ULK4: variants seen among roughly 807,000 people sequenced by gnomAD.
ULK4 encodes inactive serine/threonine-protein kinase ULK4.
A neutral mutation model predicts 160.6 loss-of-function variants in ULK4; 133 were observed. The observed-to-expected ratio is 0.83, with a 90% CI of 0.72 to 0.96. ULK4 has a LOEUF of 0.96. Ranked by LOEUF, ULK4 falls within the 40% of genes least tolerant of loss-of-function variation. The probability of loss-of-function intolerance (pLI) is 0.00; values close to 1 mark genes in which losing one functional copy is unlikely to be tolerated. For synonymous variants in ULK4, 534 were observed against 539.8 expected, an observed-to-expected ratio of 0.99 and a Z score of 0.15; for missense variants, 1,580 against 1,499.5, an observed-to-expected ratio of 1.05 and a Z score of -0.89.
intron 30 of ULK4, among the ~76,000 whole-genome samples, chr3:41,624,593 T>C (rs2033405729): frequency 6.6e-6 from 1 of 152,180 alleles, no homozygotes. Flanking sequence ...GAATACAATA[T>C]ACCATAACAA....
intron 30 of ULK4, among the ~76,000 whole-genome samples, chr3:41,650,734 G>T (rs60686425): frequency 1.3e-5 from 2 of 152,200 alleles, no homozygotes; most frequent in African/African-American, 4.8e-5. Flanking sequence ...CAAAACTCAG[G>T]CGAAGGCGCC....
At chr3:41,811,491 TCTTTTC>T (rs1255535898) in intron 19 of ULK4, among the ~76,000 whole-genome samples, 1 of 152,218 alleles carries the variant, frequency 6.6e-6, no homozygotes, top group Non-Finnish European at 1.5e-5. Flanking sequence ...TGGTTGTTAC[TCTTTTC>T]CTTTTCCTTC....
At chr3:41,885,211 T>C (rs1188099088) in intron 16 of ULK4, among the ~76,000 whole-genome samples, 1 of 152,230 alleles carries the variant, frequency 6.6e-6, no homozygotes, top group Non-Finnish European at 1.5e-5. Context: ...TTTTTCAATT[T>C]ATAAAAGTAA....
intron 33 of ULK4, among the ~76,000 whole-genome samples, chr3:41,458,275 T>G (rs2083600646): frequency 1.3e-5 from 2 of 152,216 alleles, no homozygotes; most frequent in Non-Finnish European, 2.9e-5. Flanking sequence ...CTTGTCATCC[T>G]TTAGTTAAAC....
intron 31 of ULK4, among the ~76,000 whole-genome samples, chr3:41,608,531 A>G (rs1310253369): frequency 6.6e-6 from 1 of 152,222 alleles, no homozygotes; most frequent in Non-Finnish European, 1.5e-5. Context: ...ATTTCACAGT[A>G]GGCTTTTCCA....
At chr3:41,789,613 A>G (rs1271420763) in intron 21 of ULK4, 48 bp downstream of exon 21, 6 of 1,480,406 alleles carry the variant, frequency 4.1e-6, no homozygotes, top group African/African-American at 1.4e-5. Context: ...TAAAATGCAG[A>G]AGAAAACAAT....
At chr3:41,950,377 A>G (rs1700249959) in intron 2 of ULK4, among the ~76,000 whole-genome samples, 1 of 152,148 alleles carries the variant, frequency 6.6e-6, no homozygotes, top group Non-Finnish European at 1.5e-5. Context: ...AGTAGCTGTG[A>G]CTACAGGCAT....
intron 32 of ULK4, among the ~76,000 whole-genome samples, chr3:41,543,869 G>T (rs1003812396): frequency 1.3e-5 from 2 of 151,932 alleles, no homozygotes; most frequent in African/African-American, 4.8e-5. Flanking sequence ...ATTTCCATTT[G>T]GTTCATTTTG....
At position 41,681,652 on chromosome 3, in the gene ULK4, ACT is replaced by A; in HGVS notation, c.2834-2_2834-1del. On this transcript the variant is annotated splice_acceptor_variant, in intron 28 of 36. Transcript: ENST00000301831. LOFTEE classifies it high-confidence loss of function. ...CCGCAAGCTAAAGAGTCTCCACTCC[ACT>A]TGAAAGAAAAAAAAAATGCCAAGAA... 6.2e-7 allele frequency: 1 copy of A among 1,613,108 alleles called. No homozygotes were observed. The highest frequency in any genetic ancestry group is 1.1e-5 in the South Asian group (1 of 90,844).
intron 25 of ULK4, among the ~76,000 whole-genome samples, chr3:41,714,310 A>G (rs2037192349): frequency 6.6e-6 from 1 of 152,210 alleles, no homozygotes; most frequent in African/African-American, 2.4e-5. Flanking sequence ...TATAAACATC[A>G]TACTTCACCC....
chr3:41,462,512 A>T (rs1330386801), intron 33 of ULK4, among the ~76,000 whole-genome samples: 6 of 152,244 alleles, frequency 3.9e-5, no homozygotes, highest in Admixed American at 1.3e-4. Context: ...CATAATGCTA[A>T]GTAAATACAG....
At chr3:41,614,878 G>A (rs954431188) in intron 31 of ULK4, among the ~76,000 whole-genome samples, 2 of 152,218 alleles carry the variant, frequency 1.3e-5, no homozygotes, top group Non-Finnish European at 2.9e-5. Context: ...ACCAAGGTAA[G>A]TTAGGCTGAT....
intron 30 of ULK4, among the ~76,000 whole-genome samples, chr3:41,636,612 AATT>A (rs1487232435): frequency 6.7e-6 from 1 of 149,804 alleles, no homozygotes; most frequent in African/African-American, 2.5e-5. Context: ...GTTTTTTTTT[AATT>A]ATTATTATAC....
intron 22 of ULK4, among the ~76,000 whole-genome samples, chr3:41,740,581 T>C (rs1164851984): frequency 1.3e-5 from 2 of 151,980 alleles, no homozygotes; most frequent in Non-Finnish European, 1.5e-5. Context: ...TGTCTCATGC[T>C]AGACAGATTT....
At chr3:41,249,672 G>T in intron 35 of ULK4, 98 bp from the exon 36 acceptor site, 1 of 1,289,596 alleles carries the variant, frequency 7.8e-7, no homozygotes, top group Non-Finnish European at 1.1e-6. Flanking sequence ...GCATGGTGCT[G>T]TGGCTGCCTA....
intron 34 of ULK4, among the ~76,000 whole-genome samples, chr3:41,403,945 A>G (rs548585184): frequency 5.9e-5 from 9 of 152,244 alleles, no homozygotes; most frequent in Middle Eastern, 6.8e-3. Context: ...TTATTAGAGA[A>G]CAATGTTCTA....
intron 35 of ULK4, among the ~76,000 whole-genome samples, chr3:41,253,160 G>A (rs948954478): frequency 6.6e-5 from 10 of 152,010 alleles, no homozygotes; most frequent in Non-Finnish European, 1.5e-5. Context: ...TTTACTAAAG[G>A]AAGTTCTTCA....
intron 35 of ULK4, among the ~76,000 whole-genome samples, chr3:41,297,940 A>C (rs1436006086): frequency 2.0e-5 from 3 of 152,248 alleles, no homozygotes; most frequent in African/African-American, 7.2e-5. Context: ...TAGCACCTAT[A>C]GGTCAAAGGC....
intron 34 of ULK4, among the ~76,000 whole-genome samples, chr3:41,430,343 G>T (rs2082876857): frequency 6.6e-6 from 1 of 152,116 alleles, no homozygotes; most frequent in African/African-American, 2.4e-5. Context: ...TAAACTAATG[G>T]TTCATTTATT....
Sources: gnomAD v4.1 joint callset for allele counts (sites outside exome capture counted in the v4.1 genomes callset) on GRCh38, gnomAD v4.1.1 for gene constraint, MANE v1.5 for transcripts, NCBI Gene and HGNC (gene_info 2026-07-23, HGNC 2026-07-21) for gene names.